Variants in PDZRN4 observed in about 807,000 individuals in gnomAD.
PDZRN4 encodes PDZ domain containing ring finger 4.
PDZRN4 carries 70 observed loss-of-function variants against 99.0 expected under a neutral mutation model. The ratio of observed to expected loss-of-function variants is 0.71; its 90% CI spans 0.58 to 0.86. The LOEUF is 0.86. Ranked by LOEUF, PDZRN4 falls within the 40% of genes least tolerant of loss-of-function variation. The pLI is 0.00. For synonymous variants in PDZRN4, 551 were observed against 501.6 expected (o/e 1.10, Z -1.32); for missense variants, 1,474 against 1,331.2 (o/e 1.11, Z -1.67).
chr12:41,299,398 C>G lies in PDZRN4; in HGVS notation c.843+105210C>G, dbSNP rs557312207. Among the ~76,000 whole-genome samples the G allele has an allele frequency of 2.0e-3, 299 of 152,176 alleles. 4 individuals are homozygous for G. The highest frequency in any genetic ancestry group is 6.2e-4 in the Non-Finnish European group (42 of 67,974). Reference sequence around the variant, plus strand: ...ATTAAATCATCAAGATTTCTTGAATCTCAGAATGCTTCTGTTGGACGCACA... The same window carrying G: ...ATTAAATCATCAAGATTTCTTGAATGTCAGAATGCTTCTGTTGGACGCACA... On this transcript the variant is annotated intron_variant, in intron 3 of 9. Coordinates refer to ENST00000402685, the MANE Select transcript of PDZRN4 (RefSeq NM_001164595.2).
intron 5 of PDZRN4, among the ~76,000 whole-genome samples, chr12:41,523,919 C>T (rs1592096627): frequency 6.6e-6 from 1 of 152,250 alleles, no homozygotes; most frequent in Non-Finnish European, 1.5e-5. Flanking sequence ...AAAATCTGTG[C>T]ATGTTTAATG....
intron 3 of PDZRN4, among the ~76,000 whole-genome samples, chr12:41,392,528 A>C (rs1952216965): frequency 6.6e-6 from 1 of 152,146 alleles, no homozygotes; most frequent in Non-Finnish European, 1.5e-5. Context: ...GCTCCATATT[A>C]CCAGAGTATG....
At chr12:41,346,383 A>G (rs1405665911) in intron 3 of PDZRN4, among the ~76,000 whole-genome samples, 1 of 152,164 alleles carries the variant, frequency 6.6e-6, no homozygotes, top group Non-Finnish European at 1.5e-5. Context: ...AATGGTGTAA[A>G]CCTGGGAGGC....
At chr12:41,511,112 TG>T (rs1371196886) in intron 5 of PDZRN4, among the ~76,000 whole-genome samples, 21 of 152,218 alleles carry the variant, frequency 1.4e-4, no homozygotes, top group African/African-American at 4.8e-4. Flanking sequence ...GTTTTCCTTT[TG>T]GTTAATGAAT....
intron 3 of PDZRN4, among the ~76,000 whole-genome samples, chr12:41,362,691 A>G (rs1951972668): frequency 6.6e-6 from 1 of 152,084 alleles, no homozygotes; most frequent in Non-Finnish European, 1.5e-5. Context: ...AAAGGCATGT[A>G]ATCTGCTGCC....
chr12:41,328,843 G>A (rs1268072761), intron 3 of PDZRN4, among the ~76,000 whole-genome samples: 1 of 152,130 alleles, frequency 6.6e-6, no homozygotes, highest in Non-Finnish European at 1.5e-5. Context: ...TTTATTTTGT[G>A]ACTGGGAGTG....
chr12:41,396,805 G>T (rs1341061104), intron 3 of PDZRN4, among the ~76,000 whole-genome samples: 1 of 151,948 alleles, frequency 6.6e-6, no homozygotes, highest in African/African-American at 2.4e-5. Flanking sequence ...TCTTCATATT[G>T]CTGAAGAATC....
Position 41,572,881 on chromosome 12 carries a change from C to T in PDZRN4, c.2102C>T (p.Thr701Ile), listed in dbSNP as rs1939507665. Residue 701 changes from threonine (T) to isoleucine (I), a missense_variant, in exon 10 of 10, where the codon ACA (threonine) becomes ATA (isoleucine). Thr to Ile is a moderately conservative substitution (Grantham distance 89). Transcript: ENST00000402685. Reference sequence around the variant, plus strand: ...ACAGACCAGTATGGAGACATCTGGACATTGCATGATGGAGGATTCCGGAAT... The same window carrying T: ...ACAGACCAGTATGGAGACATCTGGATATTGCATGATGGAGGATTCCGGAAT... ...KVTDQYGDIW[T>I]LHDGGFRNYN... 2 of 1,614,112 alleles carry T rather than the reference C, an allele frequency of 1.2e-6. No homozygotes were observed. The highest frequency in any genetic ancestry group is 8.5e-7 in the Non-Finnish European group (1 of 1,180,012).
chr12:41,420,541 C>A (rs1320570348), intron 3 of PDZRN4, among the ~76,000 whole-genome samples: 1 of 152,104 alleles, frequency 6.6e-6, no homozygotes, highest in Non-Finnish European at 1.5e-5. Context: ...ATGACTGATA[C>A]GTTCCAATCA....
intron 3 of PDZRN4, among the ~76,000 whole-genome samples, chr12:41,235,819 G>A (rs1449011713): frequency 6.6e-6 from 1 of 152,076 alleles, no homozygotes; most frequent in African/African-American, 2.4e-5. Context: ...TGTATCACAG[G>A]CACACCAAAA....
chr12:41,321,019 T>C (rs942627653), intron 3 of PDZRN4, among the ~76,000 whole-genome samples: 1 of 152,188 alleles, frequency 6.6e-6, no homozygotes, highest in Non-Finnish European at 1.5e-5. Flanking sequence ...TTTTACAAGT[T>C]TGGATAATCA....
At chr12:41,252,275 C>G (rs1056761427) in intron 3 of PDZRN4, among the ~76,000 whole-genome samples, 1 of 152,230 alleles carries the variant, frequency 6.6e-6, no homozygotes, top group East Asian at 1.9e-4. Context: ...GGAGGGTGCT[C>G]TTTTGATAAT....
At chr12:41,567,461 G>T (rs1230059923) in intron 8 of PDZRN4, among the ~76,000 whole-genome samples, 1 of 152,118 alleles carries the variant, frequency 6.6e-6, no homozygotes, top group Admixed American at 6.6e-5. Context: ...ACTGTTGGAG[G>T]TAATGAGCAT....
intron 3 of PDZRN4, among the ~76,000 whole-genome samples, chr12:41,501,094 T>G (rs1232063208): frequency 6.6e-6 from 1 of 152,138 alleles, no homozygotes; most frequent in African/African-American, 2.4e-5. Flanking sequence ...AATTTCAAAT[T>G]CGGTTATATC....
chr12:41,231,083 T>C (rs1414997583), intron 3 of PDZRN4, among the ~76,000 whole-genome samples: 1 of 152,050 alleles, frequency 6.6e-6, no homozygotes, highest in Non-Finnish European at 1.5e-5. Flanking sequence ...ATCAAGGATA[T>C]ATCAAACAGA....
chr12:41,284,304 G>A (rs763234315), intron 3 of PDZRN4, among the ~76,000 whole-genome samples: 3 of 152,084 alleles, frequency 2.0e-5, no homozygotes, highest in Non-Finnish European at 4.4e-5. Flanking sequence ...CAACTTACAA[G>A]GGATGTGAAG....
At chr12:41,384,589 A>T (rs182660116) in intron 3 of PDZRN4, among the ~76,000 whole-genome samples, 114 of 152,294 alleles carry the variant, frequency 7.5e-4, no homozygotes, top group Admixed American at 2.6e-3. Flanking sequence ...GTTACTTCCT[A>T]GGACAGCACA....
chr12:41,254,045 G>A (rs1591986255), intron 3 of PDZRN4, among the ~76,000 whole-genome samples: 1 of 148,402 alleles, frequency 6.7e-6, no homozygotes, highest in African/African-American at 2.6e-5. Flanking sequence ...GTGTGTGTGT[G>A]TGTGTGTGTG....
chr12:41,461,510 G>T (rs916701903), intron 3 of PDZRN4, among the ~76,000 whole-genome samples: 6 of 152,152 alleles, frequency 3.9e-5, no homozygotes, highest in African/African-American at 1.4e-4. Context: ...TGCTTTCCTA[G>T]AGAGAGTAAC....
Sources: gnomAD v4.1 joint callset for allele counts (sites outside exome capture counted in the v4.1 genomes callset) on GRCh38, gnomAD v4.1.1 for gene constraint, MANE v1.5 for transcripts, NCBI Gene and HGNC (gene_info 2026-07-23, HGNC 2026-07-21) for gene names.